MORC1: variants seen among roughly 807,000 people sequenced by gnomAD.
The protein encoded by MORC1 is MORC family CW-type zinc finger protein 1.
A neutral mutation model predicts 134.9 loss-of-function variants in MORC1; 59 were observed. That is an observed-to-expected ratio of 0.44 (90% confidence interval 0.35 to 0.54). MORC1 has a LOEUF of 0.54. Ranked by LOEUF, MORC1 falls within the 20% of genes least tolerant of loss-of-function variation. MORC1 has a pLI of 0.00. For synonymous variants in MORC1, 395 were observed against 391.7 expected (o/e 1.01, Z -0.10); for missense variants, 947 against 1,134.5 (o/e 0.83, Z 2.37).
intron 3 of MORC1, among the ~76,000 whole-genome samples, chr3:109,109,245 G>A (rs1176431816): frequency 2.0e-5 from 3 of 151,818 alleles, no homozygotes; most frequent in African/African-American, 7.3e-5. Context: ...ACTTATCATT[G>A]CCTTGTATAT....
intron 3 of MORC1, among the ~76,000 whole-genome samples, chr3:109,105,514 C>T (rs1011676466): frequency 1.3e-5 from 2 of 151,978 alleles, no homozygotes; most frequent in Admixed American, 6.5e-5. Flanking sequence ...CAGAGCGAAA[C>T]TCCATCTCAA....
chr3:108,962,000 G>A (rs1013166234), intron 27 of MORC1, among the ~76,000 whole-genome samples: 2 of 152,026 alleles, frequency 1.3e-5, no homozygotes, highest in Non-Finnish European at 2.9e-5. Flanking sequence ...CATGTGCTAG[G>A]CTCCATACCA....
intron 15 of MORC1, 39 bp downstream of exon 15, chr3:109,035,301 C>T (rs534388732): frequency 1.2e-5 from 18 of 1,542,422 alleles, no homozygotes; most frequent in Non-Finnish European, 1.3e-5. Flanking sequence ...ATTTAAGAGC[C>T]CTTAACATTT....
chr3:109,108,901 CAAAAAAA>C (rs11329896), intron 3 of MORC1, among the ~76,000 whole-genome samples: 1 of 131,328 alleles, frequency 7.6e-6, no homozygotes, highest in African/African-American at 2.8e-5. Flanking sequence ...CTCCGTCTCA[CAAAAAAA>C]AAAAAAAAAG....
At position 108,988,607 on chromosome 3, in the gene MORC1, A is replaced by C. The variant is rs376908516; in HGVS notation, c.2188-1658T>G. 1.0e-3 allele frequency among the ~76,000 whole-genome samples: 158 copies of C among 152,294 alleles called. 4 individuals carry two copies. The South Asian group carries it at 0.031, about 30-fold the overall frequency. On this transcript the variant is annotated intron_variant, in intron 21 of 27. Transcript: ENST00000232603. ...GCATAGACTATTATCAACAACAGCT[A>C]ATAGGAACCACAAGATAAGCTTATG...
At chr3:109,008,236 T>G (rs1054419219) in intron 17 of MORC1, among the ~76,000 whole-genome samples, 1 of 152,168 alleles carries the variant, frequency 6.6e-6, no homozygotes, top group African/African-American at 2.4e-5. Context: ...AATAGGTAAT[T>G]TCACATTTGG....
At chr3:108,975,475 G>A (rs1947523514) in intron 24 of MORC1, among the ~76,000 whole-genome samples, 1 of 152,024 alleles carries the variant, frequency 6.6e-6, no homozygotes, top group Non-Finnish European at 1.5e-5. Context: ...GCCTTATCAA[G>A]TTTACATACA....
At chr3:109,007,791 C>T (rs1429148667) in intron 17 of MORC1, among the ~76,000 whole-genome samples, 1 of 152,208 alleles carries the variant, frequency 6.6e-6, no homozygotes, top group Non-Finnish European at 1.5e-5. Context: ...TATGACAACA[C>T]ATGTTTAGAA....
intron 27 of MORC1, among the ~76,000 whole-genome samples, chr3:108,960,734 GTGACAGTTT>G (rs1253114999): frequency 6.6e-6 from 1 of 151,802 alleles, no homozygotes; most frequent in Non-Finnish European, 1.5e-5. Flanking sequence ...GGGCAATTTT[GTGACAGTTT>G]TGACAGGAAA....
intron 21 of MORC1, among the ~76,000 whole-genome samples, chr3:108,994,029 G>C (rs952475066): frequency 6.6e-6 from 1 of 152,080 alleles, no homozygotes; most frequent in African/African-American, 2.4e-5. Context: ...GTGCACTGAT[G>C]CTTTTTCTAA....
intron 6 of MORC1, among the ~76,000 whole-genome samples, chr3:109,099,049 T>A (rs974569587): frequency 6.6e-6 from 1 of 152,216 alleles, no homozygotes; most frequent in East Asian, 1.9e-4. Flanking sequence ...AAAATGATAA[T>A]CAATTTATGG....
At chr3:109,029,845 G>C (rs1300190166) in intron 16 of MORC1, among the ~76,000 whole-genome samples, 1 of 152,204 alleles carries the variant, frequency 6.6e-6, no homozygotes, top group Non-Finnish European at 1.5e-5. Context: ...CAGACAATGT[G>C]ATAAGGCAGG....
Position 108,997,902 on chromosome 3 carries a change from T to C in MORC1, c.2187+2655A>G, listed in dbSNP as rs146463448. The stretch of plus-strand genomic sequence containing the variant: ...CAAAAGGCAGACTGATAGACATTTA[T>C]TGATTTTATTAACATAGCAAAAACA... On this transcript the variant is annotated intron_variant, in intron 21 of 27. Coordinates refer to ENST00000232603, the MANE Select transcript of MORC1 (RefSeq NM_014429.4). 3.0e-4 allele frequency among the ~76,000 whole-genome samples: 45 copies of C among 152,324 alleles called. No homozygotes were observed. The East Asian group carries it at 8.7e-3, about 29-fold the overall frequency.
Position 108,997,757 on chromosome 3 carries a change from C to CT in MORC1, c.2187+2799dup, listed in dbSNP as rs961382138. On this transcript the variant is annotated intron_variant, in intron 21 of 27. Transcript: ENST00000232603. Reference sequence around the variant, plus strand: ...ATATGAATCTGGAAAGTAACAAATACTTTTTTTTTCATTTCACTAGAAATT... The same window carrying CT: ...ATATGAATCTGGAAAGTAACAAATACTTTTTTTTTTCATTTCACTAGAAATT... Among the ~76,000 whole-genome samples, 7 of 151,158 alleles carry CT rather than the reference C, an allele frequency of 4.6e-5. No homozygotes were observed. In the East Asian group the frequency reaches 5.8e-4, roughly 13 times the overall value.
At chr3:109,002,616 C>A (rs1473162827) in intron 20 of MORC1, among the ~76,000 whole-genome samples, 1 of 152,188 alleles carries the variant, frequency 6.6e-6, no homozygotes, top group Non-Finnish European at 1.5e-5. Context: ...GAAAGAGTCC[C>A]AGGCTCAAGG....
intron 14 of MORC1, among the ~76,000 whole-genome samples, chr3:109,042,172 C>T (rs1949569968): frequency 6.6e-6 from 1 of 152,020 alleles, no homozygotes; most frequent in Admixed American, 6.6e-5. Flanking sequence ...AATGGTGTGG[C>T]CACTGTGGAA....
At chr3:109,106,902 C>T (rs993023211) in intron 3 of MORC1, among the ~76,000 whole-genome samples, 1 of 152,148 alleles carries the variant, frequency 6.6e-6, no homozygotes, top group African/African-American at 2.4e-5. Context: ...CTTCCCAATG[C>T]TCTCAGGATA....
intron 24 of MORC1, among the ~76,000 whole-genome samples, chr3:108,972,718 G>A (rs1242511584): frequency 1.3e-5 from 2 of 152,152 alleles, no homozygotes. Context: ...CAGGAGGGGT[G>A]AGAGACCTTT....
At chr3:108,999,633 C>T (rs1948341673) in intron 21 of MORC1, among the ~76,000 whole-genome samples, 2 of 152,014 alleles carry the variant, frequency 1.3e-5, no homozygotes, top group African/African-American at 4.8e-5. Context: ...GGGACCTTAC[C>T]CTAAAGACAC....
Sources: allele counts gnomAD v4.1 joint callset (sites outside exome capture counted in the v4.1 genomes callset), GRCh38; gene constraint gnomAD v4.1.1; transcripts MANE v1.5; gene names NCBI Gene and HGNC (gene_info 2026-07-23, HGNC 2026-07-21).